The following KRT84 variants were observed in gnomAD, a reference collection of about 807,000 sequenced individuals.
KRT84 encodes keratin, type II cuticular Hb4.
A neutral mutation model predicts 49.0 loss-of-function variants in KRT84; 38 were observed. The ratio of observed to expected loss-of-function variants is 0.78; its 90% CI spans 0.60 to 1.02. The LOEUF is 1.02. KRT84 is among the 50% of genes least tolerant of loss of function. The pLI is 0.00. For synonymous variants in KRT84, 334 were observed against 312.8 expected (o/e 1.07, Z -0.72); for missense variants, 860 against 788.6 (o/e 1.09, Z -1.08).
At chr12:52,382,365 C>T in intron 4 of KRT84, 72 bp downstream of exon 4, 1 of 1,008,128 alleles carries the variant, frequency 9.9e-7, no homozygotes, top group East Asian at 2.4e-5. Flanking sequence ...TATGCTAGCC[C>T]AGGCTAAGCA....
At chr12:52,378,428 C>T in intron 8 of KRT84, 48 bp from the exon 9 acceptor site, 2 of 1,375,600 alleles carry the variant, frequency 1.5e-6, no homozygotes, top group African/African-American at 1.5e-5. Flanking sequence ...CAGGGCCCTC[C>T]ACCTCCATGC....
intron 8 of KRT84, 136 bp downstream of exon 8, chr12:52,379,740 T>C (rs1939446921): frequency 2.8e-6 from 2 of 726,860 alleles, no homozygotes; most frequent in Non-Finnish European, 5.0e-6. Flanking sequence ...CATCCAGGGC[T>C]GGATGGTCCC....
Position 52,378,089 on chromosome 12 carries a change from C to G in KRT84, c.1748G>C (p.Arg583Pro). The G allele has an allele frequency of 6.7e-7, 1 of 1,498,474 alleles. No individual in the cohort carries two copies. 92.8% of individuals were successfully genotyped at this position (1,498,474 alleles called of 1,614,324 possible). A position where few individuals can be genotyped will look rare whatever the true frequency, so the allele number is the denominator to read the frequency against. ...GGACACAAAGCGGACGCTGGAGCTG[C>G]GGCCGCCGCTGCAGCTGCTGAAGCC... ...QGGFSSCSGG[R>P]SSSVRFVSTT... Residue 583 changes from arginine to proline, a missense_variant, in exon 9 of 9, where the codon CGC becomes CCC. By Grantham distance (103) the Arg-to-Pro change is moderately radical. Transcript: ENST00000257951.
At chr12:52,383,565 T>C in intron 2 of KRT84, 25 bp downstream of exon 2, 1 of 1,599,990 alleles carries the variant, frequency 6.3e-7, no homozygotes, top group Non-Finnish European at 8.5e-7. Context: ...CTGTCACTGG[T>C]CTGTGCAGCT....
rs143172691 is a variant in KRT84, at chr12:52,385,428, C to A, written c.158G>T (p.Arg53Leu). 1 of 1,614,032 alleles carries A rather than the reference C, an allele frequency of 6.2e-7. No homozygotes were observed. The highest frequency in any genetic ancestry group is 8.5e-7 in the Non-Finnish European group (1 of 1,180,012). ...GTACGATCCAAAGGTGATGACACTC[C>A]GACTACCAAAGCTGCCAAGGCCCCG... ...GFRGLGSFGS[R>L]SVITFGSYSP... is the part of the protein sequence containing the mutation. The change falls in exon 1 of 9, where the codon CGG (arginine) becomes CTG (leucine). Residue 53 changes from arginine to leucine, a missense_variant. By Grantham distance (102) the Arg-to-Leu change is moderately radical. Coordinates refer to ENST00000257951, the MANE Select transcript of KRT84 (RefSeq NM_033045.4).
intron 4 of KRT84, among the ~76,000 whole-genome samples, chr12:52,382,232 T>G (rs1939495693): frequency 6.6e-6 from 1 of 152,218 alleles, no homozygotes; most frequent in Non-Finnish European, 1.5e-5. Context: ...TCCAAGGAGT[T>G]TGACTTGCAT....
chr12:52,383,092 T>TTAA (rs1939512015), intron 2 of KRT84, 27 bp from the exon 3 acceptor site: 1 of 1,601,348 alleles, frequency 6.2e-7, no homozygotes, highest in South Asian at 1.1e-5. Context: ...AGAGGGTGAG[T>TTAA]GCTTACTCTG....
chr12:52,384,486 C>T (rs1939541245), intron 1 of KRT84, among the ~76,000 whole-genome samples: 1 of 152,186 alleles, frequency 6.6e-6, no homozygotes, highest in Admixed American at 6.5e-5. Flanking sequence ...CCTGCAATTT[C>T]CCTGAATCTA....
In KRT84 at chr12:52,381,159, C is replaced by T. The variant is rs141184310; in HGVS notation, c.1124G>A (p.Arg375His). ...TTCGTTGATCTCGTTCCGTATGTTG[C>T]GCAGGTTGTCACAGTGTTGGCCAGC... ...VTAGQHCDNL[R>H]NIRNEINELT... Residue 375 changes from arginine to histidine, a missense_variant, in exon 6 of 9, where the codon CGC becomes CAC. Arg to His is a conservative substitution (Grantham distance 29, BLOSUM62 0). Transcript: ENST00000257951. The T allele has an allele frequency of 3.4e-5, 55 of 1,614,150 alleles. No individual in the cohort carries two copies. Among genetic ancestry groups the T allele is most frequent in the South Asian group, 2.6e-4 (24 of 91,066 alleles).
chr12:52,385,019 A>G (rs1939548760), intron 1 of KRT84, 21 bp downstream of exon 1: 1 of 1,591,932 alleles, frequency 6.3e-7, no homozygotes, highest in African/African-American at 1.4e-5. Context: ...CTAGACCCAG[A>G]GATTCAGCTA....
chr12:52,385,532 G>C lies in KRT84; in HGVS notation c.54C>G (p.Ser18Arg), dbSNP rs1939561548. ...VSSGHRVGNF[S>R]SCSAMTPQNL... Reference sequence around the variant, plus strand: ...TCTGTGGTGTCATTGCTGAACAAGAGCTGAAGTTGCCCACCCGGTGACCAG... The same window carrying C: ...TCTGTGGTGTCATTGCTGAACAAGACCTGAAGTTGCCCACCCGGTGACCAG... Residue 18 changes from serine (S) to arginine (R), a missense_variant, in exon 1 of 9, where the codon AGC (serine) becomes AGG (arginine). Physicochemically the swap from Ser to Arg is moderately radical, Grantham distance 110 (BLOSUM62 -1). Coordinates refer to ENST00000257951, the MANE Select transcript of KRT84 (RefSeq NM_033045.4). 1 of 1,614,056 alleles carries C rather than the reference G, an allele frequency of 6.2e-7. No homozygotes were observed. The highest frequency in any genetic ancestry group is 1.1e-5 in the South Asian group (1 of 91,090).
At position 52,385,021 on chromosome 12, in the gene KRT84, A is replaced by G; in HGVS notation, c.546+19T>C. The G allele has an allele frequency of 6.3e-7, 1 of 1,593,528 alleles. No homozygotes were observed. The highest frequency in any genetic ancestry group is 8.5e-7 in the Non-Finnish European group (1 of 1,171,280). Reference sequence around the variant, plus strand: ...GGCTGTAATATTCCTAGACCCAGAGATTCAGCTATCATAGGTACCTTGTCA... The same window carrying G: ...GGCTGTAATATTCCTAGACCCAGAGGTTCAGCTATCATAGGTACCTTGTCA... On this transcript the variant is annotated intron_variant, in intron 1 of 8. Transcript: ENST00000257951.
Position 52,385,333 on chromosome 12 carries a change from TC to T in KRT84, c.252del (p.Met85TrpfsTer56), listed in dbSNP as rs1311420721. 2 of 1,613,666 alleles carry T rather than the reference TC, an allele frequency of 1.2e-6. No individual in the cohort carries two copies. The highest frequency in any genetic ancestry group is 2.7e-5 in the African/African-American group (2 of 74,774). On this transcript the variant is annotated frameshift_variant, in exon 1 of 9. Transcript: ENST00000257951. LOFTEE classifies it high-confidence loss of function. ...HCGVRFGAGC[G>X]MGFGDGRGVG... ...ACACCTCTCCCATCACCAAAACCCA[TC>T]CCACAGCCAGCACCAAAGCGGACTC... is the stretch of plus-strand genomic sequence containing the variant.
chr12:52,381,137 G>A lies in KRT84; in HGVS notation c.1146C>T (p.Asn382=), dbSNP rs373207934. 3.8e-5 allele frequency: 62 copies of A among 1,614,062 alleles called. No individual in the cohort carries two copies. In the Admixed American group the frequency reaches 8.5e-4, roughly 22 times the overall value. The stretch of plus-strand genomic sequence containing the variant: ...GCCTCTGGATCAGGCGGGTCAGTTC[G>A]TTGATCTCGTTCCGTATGTTGCGCA... ...DNLRNIRNEI[N]ELTRLIQRLK... The change falls in exon 6 of 9, where the codon AAC becomes AAT. Residue 382 remains asparagine (N), a synonymous_variant. Coordinates refer to ENST00000257951, the MANE Select transcript of KRT84 (RefSeq NM_033045.4).
chr12:52,385,890 CT>C (rs925487567), upstream of KRT84, among the ~76,000 whole-genome samples: 8 of 152,060 alleles, frequency 5.3e-5, no homozygotes, highest in South Asian at 4.2e-4. Flanking sequence ...ACATTATAGT[CT>C]TTTTTTTCCC....
At position 52,383,053 on chromosome 12, in the gene KRT84, T is replaced by C; in HGVS notation, c.768A>G (p.Glu256=). ...LEGFKKKYEE[E]VVCRANAENE... is the part of the protein sequence containing the mutation. ...TCTCAGCATTGGCCCGACATACCAC[T>C]TCCTCTTCATACCTGATGATAAAGG... Residue 256 remains glutamate (E), a synonymous_variant, in exon 3 of 9, where the codon GAA becomes GAG. Transcript: ENST00000257951. The C allele has an allele frequency of 6.2e-7, 1 of 1,613,916 alleles. No homozygotes were observed. Among genetic ancestry groups the C allele is most frequent in the Non-Finnish European group, 8.5e-7 (1 of 1,179,862 alleles).
Position 52,385,440 on chromosome 12 carries a change from C to T in KRT84, c.146G>A (p.Ser49Asn). The T allele has an allele frequency of 6.2e-7, 1 of 1,614,208 alleles. No homozygotes were observed. Among genetic ancestry groups the T allele is most frequent in the Non-Finnish European group, 8.5e-7 (1 of 1,180,028 alleles). ...GGTGATGACACTCCGACTACCAAAG[C>T]TGCCAAGGCCCCGGAATCCAGGCCC... ...WSGPGFRGLGSFGSRSVITFG... is the reference protein window; with the variant it reads ...WSGPGFRGLGNFGSRSVITFG... Residue 49 changes from serine (S) to asparagine (N), a missense_variant, in exon 1 of 9, where the codon AGC becomes AAC. Ser to Asn is a conservative substitution (Grantham distance 46). Transcript: ENST00000257951.
intron 4 of KRT84, 104 bp downstream of exon 4, chr12:52,382,333 T>C (rs577187523): frequency 1.3e-6 from 1 of 754,848 alleles, no homozygotes; most frequent in Non-Finnish European, 2.3e-6. Flanking sequence ...AGGAAAGATA[T>C]ATGATAGCAA....
chr12:52,383,016 C>A lies in KRT84; in HGVS notation c.805G>T (p.Ala269Ser), dbSNP rs1939510950. ...TGGTTCCCCCTTACCTTCTTCAGAGCCACAAACTCATTCTCAGCATTGGCC... is the reference window on the plus strand; with the variant it reads ...TGGTTCCCCCTTACCTTCTTCAGAGACACAAACTCATTCTCAGCATTGGCC... The part of the protein sequence containing the change: ...CRANAENEFV[A>S]LKKDVDAAFM... The change falls in exon 3 of 9, where the codon GCT (alanine) becomes TCT (serine). Residue 269 changes from alanine to serine, a missense_variant. Coordinates refer to ENST00000257951, the MANE Select transcript of KRT84 (RefSeq NM_033045.4). 6.2e-7 allele frequency: 1 copy of A among 1,613,878 alleles called. No homozygotes were observed. The highest frequency in any genetic ancestry group is 8.5e-7 in the Non-Finnish European group (1 of 1,179,916).
Sources: gnomAD v4.1 joint callset for allele counts (sites outside exome capture counted in the v4.1 genomes callset) on GRCh38, gnomAD v4.1.1 for gene constraint, MANE v1.5 for transcripts, NCBI Gene and HGNC (gene_info 2026-07-23, HGNC 2026-07-21) for gene names.